Variants in EML4 observed in about 807,000 individuals in gnomAD.
The protein encoded by EML4 is EMAP like 4.
A neutral mutation model predicts 129.0 loss-of-function variants in EML4; 72 were observed. The observed-to-expected ratio is 0.56, with a 90% confidence interval of 0.46 to 0.68. The LOEUF (loss-of-function observed/expected upper bound fraction) is 0.68, where lower values mean the gene tolerates loss of function less well. EML4 is among the 30% of genes least tolerant of loss of function. The pLI is 0.00. For synonymous variants in EML4, 532 were observed against 405.0 expected, an observed-to-expected ratio of 1.31 and a Z score of -3.77; for missense variants, 1,363 against 1,190.6, an observed-to-expected ratio of 1.14 and a Z score of -2.13.
intron 1 of EML4, among the ~76,000 whole-genome samples, chr2:42,187,347 G>A (rs1033029609): frequency 1.3e-5 from 2 of 151,972 alleles, no homozygotes; most frequent in Admixed American, 6.6e-5. Context: ...CACATCCAGC[G>A]TATTTTGTCT....
intron 21 of EML4, among the ~76,000 whole-genome samples, chr2:42,326,866 A>C (rs1400930016): frequency 6.6e-6 from 1 of 152,176 alleles, no homozygotes; most frequent in Non-Finnish European, 1.5e-5. Flanking sequence ...TGGGTGACAG[A>C]GTGAGACTCC....
chr2:42,301,712 T>C (rs1668296211), intron 14 of EML4, among the ~76,000 whole-genome samples: 4 of 152,104 alleles, frequency 2.6e-5, no homozygotes, highest in African/African-American at 7.2e-5. Flanking sequence ...TGTTTTTTTT[T>C]CTACGTGTAG....
In EML4 at chr2:42,330,878, ACT is replaced by A. The variant is rs930045757; in HGVS notation, c.*674_*675del. 7.3e-5 allele frequency: 15 copies of A among 205,262 alleles called. No individual in the cohort carries two copies. The highest frequency in any genetic ancestry group is 3.0e-4 in the African/African-American group (13 of 43,636). 12.7% of individuals were successfully genotyped at this position (205,262 alleles called of 1,614,324 possible). On this transcript the variant is annotated 3_prime_UTR_variant, in exon 23 of 23. Transcript: ENST00000318522. Reference sequence around the variant, plus strand: ...ACAGTCCCTTAATTTCTTGTGTGCAACTCTGTTTTATCCTAGAACTAAGAGAG... The same window carrying A: ...ACAGTCCCTTAATTTCTTGTGTGCAACTGTTTTATCCTAGAACTAAGAGAG...
At chr2:42,171,543 AG>A (rs1670280521) in intron 1 of EML4, among the ~76,000 whole-genome samples, 1 of 152,366 alleles carries the variant, frequency 6.6e-6, no homozygotes, top group South Asian at 2.1e-4. Context: ...CGAGAGATGA[AG>A]ATGAATTGCA....
chr2:42,225,278 A>T (rs537007185), intron 1 of EML4, among the ~76,000 whole-genome samples: 30 of 152,092 alleles, frequency 2.0e-4, no homozygotes, highest in Admixed American at 3.3e-4. Flanking sequence ...CTGTAAGTGG[A>T]GTTGCTTTGT....
Position 42,223,080 on chromosome 2 carries a change from C to T in EML4, c.26-22425C>T, listed in dbSNP as rs150895692. 9.4e-3 allele frequency among the ~76,000 whole-genome samples: 1,424 copies of T among 152,208 alleles called. 27 individuals carry two copies. The highest frequency in any genetic ancestry group is 0.032 in the African/African-American group (1,322 of 41,516). ...TCGGCCTCCCAAAGTGCTGGGATTA[C>T]AGACGTGAGCCACCGTGCCTGGCCA... On this transcript the variant is annotated intron_variant, in intron 1 of 22. Transcript: ENST00000318522.
At chr2:42,194,810 G>C (rs531753275) in intron 1 of EML4, among the ~76,000 whole-genome samples, 1 of 152,112 alleles carries the variant, frequency 6.6e-6, no homozygotes, top group African/African-American at 2.4e-5. Context: ...TGCTTGGCCA[G>C]GATCTTTAAT....
At chr2:42,180,193 G>A (rs187846727) in intron 1 of EML4, among the ~76,000 whole-genome samples, 69 of 152,168 alleles carry the variant, frequency 4.5e-4, no homozygotes, top group Non-Finnish European at 6.9e-4. Context: ...AAAATTCCAG[G>A]CAAACCCTTG....
chr2:42,198,354 A>T (rs1162974372), intron 1 of EML4, among the ~76,000 whole-genome samples: 1 of 152,098 alleles, frequency 6.6e-6, no homozygotes, highest in African/African-American at 2.4e-5. Flanking sequence ...AATAGGGGAG[A>T]CACTCTAAAG....
At chr2:42,297,605 G>T (rs1488274688) in intron 13 of EML4, among the ~76,000 whole-genome samples, 1 of 152,154 alleles carries the variant, frequency 6.6e-6, no homozygotes, top group African/African-American at 2.4e-5. Flanking sequence ...GAAGAATTTG[G>T]TGAGCGCAGT....
intron 1 of EML4, among the ~76,000 whole-genome samples, chr2:42,198,172 A>G (rs551177298): frequency 6.6e-6 from 1 of 152,340 alleles, no homozygotes; most frequent in African/African-American, 2.4e-5. Context: ...TGCTCCTACC[A>G]GAACTTCTTA....
intron 2 of EML4, 86 bp from the exon 3 acceptor site, chr2:42,256,415 C>G: frequency 1.5e-6 from 2 of 1,363,726 alleles, no homozygotes; most frequent in Non-Finnish European, 2.0e-6. Context: ...ACCACCCCCT[C>G]CTTCCAAATG....
chr2:42,187,490 T>C (rs893145625), intron 1 of EML4, among the ~76,000 whole-genome samples: 3 of 152,206 alleles, frequency 2.0e-5, no homozygotes, highest in South Asian at 2.1e-4. Context: ...CTGAGTAATA[T>C]TTCTTTGTAT....
In EML4 at chr2:42,169,578, C is replaced by T. The variant is rs776439994; in HGVS notation, c.-34C>T. ...GGTCCGCTGAATGAAGTGCCCGCCC[C>T]TCTAAGCCCGGAGCCCGGCGCTTTC... On this transcript the variant is annotated 5_prime_UTR_variant, in exon 1 of 23. Coordinates refer to ENST00000318522, the MANE Select transcript of EML4 (RefSeq NM_019063.5). 3.2e-5 allele frequency: 51 copies of T among 1,597,324 alleles called. No individual in the cohort carries two copies. The Admixed American group carries it at 8.2e-4, about 26-fold the overall frequency.
At chr2:42,274,484 A>T (rs1201303399) in intron 6 of EML4, among the ~76,000 whole-genome samples, 1 of 152,180 alleles carries the variant, frequency 6.6e-6, no homozygotes, top group East Asian at 1.9e-4. Flanking sequence ...AAGCAAGCTT[A>T]AAAAGAAAAT....
At chr2:42,189,675 A>G (rs896343050) in intron 1 of EML4, among the ~76,000 whole-genome samples, 25 of 152,254 alleles carry the variant, frequency 1.6e-4, no homozygotes, top group Non-Finnish European at 1.5e-4. Flanking sequence ...TGTATTTTAT[A>G]AAAGAGGAAA....
At position 42,181,378 on chromosome 2, in the gene EML4, A is replaced by G. The variant is rs574159162; in HGVS notation, c.25+11742A>G. Among the ~76,000 whole-genome samples the G allele has an allele frequency of 1.1e-4, 17 of 152,208 alleles. No homozygotes were observed. In the East Asian group the frequency reaches 3.3e-3, roughly 29 times the overall value. ...CAGTGGTGCGATCACGGCTCACCGC[A>G]TCCTCCACCTCCCGGACTCAAGCGA... On this transcript the variant is annotated intron_variant, in intron 1 of 22. Coordinates refer to ENST00000318522, the MANE Select transcript of EML4 (RefSeq NM_019063.5).
chr2:42,271,358 G>C (rs188733381), intron 6 of EML4, among the ~76,000 whole-genome samples: 1 of 152,134 alleles, frequency 6.6e-6, no homozygotes. Flanking sequence ...CGCTGGTCTC[G>C]CCATCTGTAT....
chr2:42,265,613 T>A (rs1029361444), intron 6 of EML4, among the ~76,000 whole-genome samples: 11 of 152,122 alleles, frequency 7.2e-5, no homozygotes, highest in African/African-American at 2.7e-4. Context: ...AAATACAGTA[T>A]TACAAAAAGG....
Sources: gnomAD v4.1 joint callset for allele counts (sites outside exome capture counted in the v4.1 genomes callset) on GRCh38, gnomAD v4.1.1 for gene constraint, MANE v1.5 for transcripts, NCBI Gene and HGNC (gene_info 2026-07-23, HGNC 2026-07-21) for gene names.